OR51B5: variants seen among roughly 807,000 people sequenced by gnomAD.
The protein encoded by OR51B5 is olfactory receptor family 51 subfamily B member 5, also known as olfactory receptor 51B5.
For synonymous variants in OR51B5, 186 were observed against 144.8 expected (o/e 1.28, Z -2.04); for missense variants, 456 against 374.6 (o/e 1.22, Z -1.79).
chr11:5,394,005 T>A (rs1392696022), intron 1 of OR51B5, among the ~76,000 whole-genome samples: 2 of 152,170 alleles, frequency 1.3e-5, no homozygotes, highest in Non-Finnish European at 2.9e-5. Context: ...TGTTATCTAT[T>A]TTTCCATTTA....
At chr11:5,355,031 C>T (rs1395289684) in intron 1 of OR51B5, 1 of 162,148 alleles carries the variant, frequency 6.2e-6, no homozygotes, top group Non-Finnish European at 1.3e-5. Context: ...CTCATGGATG[C>T]ATCCTTGCTA....
At chr11:5,394,171 A>C (rs946404101) in intron 1 of OR51B5, among the ~76,000 whole-genome samples, 17 of 152,200 alleles carry the variant, frequency 1.1e-4, no homozygotes, top group African/African-American at 4.1e-4. Flanking sequence ...TTTTAAGCAC[A>C]TATTATAACC....
intron 1 of OR51B5, among the ~76,000 whole-genome samples, chr11:5,415,760 G>T (rs1382137697): frequency 3.9e-5 from 6 of 152,050 alleles, no homozygotes; most frequent in Admixed American, 2.0e-4. Flanking sequence ...CCAATAACAG[G>T]AGCTGAAATT....
intron 1 of OR51B5, chr11:5,449,275 T>A (rs1449343479): frequency 6.6e-6 from 1 of 152,226 alleles, no homozygotes; most frequent in African/African-American, 2.4e-5. Context: ...GCAGGGCCTG[T>A]CATGAGACAT....
At position 5,389,431 on chromosome 11, in the gene OR51B5, C is replaced by A. The variant is rs1367075906; in HGVS notation, n.85-42521G>T. ...TCCAATATTCGCTCAGTCCTCAATT[C>A]ATGCTGCTATCCAACATTACTCAGT... is the stretch of plus-strand genomic sequence containing the variant. On this transcript the variant is annotated intron_variant and non_coding_transcript_variant, in intron 1 of 4. Coordinates refer to the OR51B5 transcript ENST00000415970. 7 of 1,613,788 alleles carry A rather than the reference C, an allele frequency of 4.3e-6. No individual in the cohort carries two copies. The Admixed American group carries it at 6.7e-5, about 15-fold the overall frequency.
intron 1 of OR51B5, among the ~76,000 whole-genome samples, chr11:5,424,863 T>C (rs1850421691): frequency 9.7e-6 from 1 of 102,646 alleles, no homozygotes; most frequent in Non-Finnish European, 2.2e-5. Flanking sequence ...GCGCCTATAG[T>C]CCCAGCTACT....
chr11:5,492,581 G>A (rs1302827989), intron 1 of OR51B5, among the ~76,000 whole-genome samples: 3 of 152,156 alleles, frequency 2.0e-5, no homozygotes, highest in Non-Finnish European at 4.4e-5. Flanking sequence ...CTGTTCACCT[G>A]TTCCAAGGGA....
chr11:5,447,957 G>C, intron 1 of OR51B5, among the ~76,000 whole-genome samples: 1 of 152,198 alleles, frequency 6.6e-6, no homozygotes. Flanking sequence ...GAATTCTTGA[G>C]ACCCCAGAAT....
At chr11:5,362,005 G>A (rs72874671) in intron 1 of OR51B5, among the ~76,000 whole-genome samples, 2,420 of 152,328 alleles carry the variant, frequency 0.016, 29 homozygotes, top group Non-Finnish European at 0.028. Context: ...AAATAGATTA[G>A]TGTCAGATTG....
chr11:5,345,929 T>A (rs185828628), upstream of OR51B5: 26 of 152,174 alleles, frequency 1.7e-4, no homozygotes, highest in African/African-American at 6.3e-4. Context: ...ATTCAGTGCC[T>A]ACTGAACATA....
intron 1 of OR51B5, among the ~76,000 whole-genome samples, chr11:5,375,626 C>G (rs1419175433): frequency 6.7e-6 from 1 of 149,108 alleles, no homozygotes; most frequent in Non-Finnish European, 1.5e-5. Flanking sequence ...ATCTACCAAG[C>G]AAATGGAAAA....
intron 1 of OR51B5, among the ~76,000 whole-genome samples, chr11:5,449,816 A>G (rs1850817499): frequency 1.3e-5 from 2 of 152,214 alleles, no homozygotes; most frequent in Non-Finnish European, 2.9e-5. Context: ...TTCAGTGATA[A>G]CAAAATACGT....
At chr11:5,353,553 T>G (rs1446086906) in intron 1 of OR51B5, among the ~76,000 whole-genome samples, 1 of 152,248 alleles carries the variant, frequency 6.6e-6, no homozygotes, top group Non-Finnish European at 1.5e-5. Context: ...CTCCAAATAC[T>G]TTTGATTCTT....
At chr11:5,471,146 C>T (rs1416232636) in intron 1 of OR51B5, among the ~76,000 whole-genome samples, 1 of 152,156 alleles carries the variant, frequency 6.6e-6, no homozygotes, top group Non-Finnish European at 1.5e-5. Context: ...TTTCTTATCA[C>T]AGCTTAAATT....
chr11:5,350,469 C>T (rs563304489), intron 1 of OR51B5, among the ~76,000 whole-genome samples: 17 of 152,240 alleles, frequency 1.1e-4, no homozygotes, highest in Non-Finnish European at 2.5e-4. Context: ...CTGGCTCATG[C>T]CACCAACACA....
chr11:5,487,295 A>C (rs1194398300), intron 1 of OR51B5, among the ~76,000 whole-genome samples: 4 of 152,140 alleles, frequency 2.6e-5, no homozygotes, highest in Non-Finnish European at 5.9e-5. Flanking sequence ...AAATAGGGGA[A>C]TTATTCTGGG....
intron 1 of OR51B5, chr11:5,441,156 A>G (rs1413990315): frequency 1.2e-6 from 2 of 1,613,182 alleles, no homozygotes; most frequent in Admixed American, 3.3e-5. Context: ...ATCCAAGCTC[A>G]TGGCCAGCAG....
intron 1 of OR51B5, among the ~76,000 whole-genome samples, chr11:5,472,377 T>G (rs1851241884): frequency 6.6e-6 from 1 of 152,154 alleles, no homozygotes; most frequent in Non-Finnish European, 1.5e-5. Context: ...AGGTCCCCAC[T>G]TACCTCCTCA....
At chr11:5,455,593 A>AGAG (rs1850943486) in intron 1 of OR51B5, 1 of 66,090 alleles carries the variant, frequency 1.5e-5, no homozygotes, top group African/African-American at 4.6e-5. Flanking sequence ...GAAAGAGAGA[A>AGAG]AGAGAAAAAG....
Sources: gnomAD v4.1 joint callset for allele counts (sites outside exome capture counted in the v4.1 genomes callset) on GRCh38, gnomAD v4.1.1 for gene constraint, MANE v1.5 for transcripts, NCBI Gene and HGNC (gene_info 2026-07-23, HGNC 2026-07-21) for gene names.